The following MYO1F variants were observed in gnomAD, a reference collection of about 807,000 sequenced individuals.
MYO1F encodes unconventional myosin-If.
In MYO1F, 60 loss-of-function variants were observed where a neutral mutation model predicts 146.6. The ratio of observed to expected loss-of-function variants is 0.41; its 90% CI spans 0.33 to 0.51. MYO1F has a LOEUF of 0.51. MYO1F is among the 20% of genes least tolerant of loss of function. MYO1F has a pLI of 0.25. For synonymous variants in MYO1F, 602 were observed against 602.1 expected, an observed-to-expected ratio of 1.00 and a Z score of 0.00; for missense variants, 1,274 against 1,534.3, an observed-to-expected ratio of 0.83 and a Z score of 2.83.
At chr19:8,561,101 C>A (rs1222261889) in intron 1 of MYO1F, among the ~76,000 whole-genome samples, 1 of 151,948 alleles carries the variant, frequency 6.6e-6, no homozygotes, top group Non-Finnish European at 1.5e-5. Flanking sequence ...AGGCTGATGT[C>A]TATAACTCCT....
intron 4 of MYO1F, among the ~76,000 whole-genome samples, chr19:8,553,916 T>TCTCTCTCTCTCTCTCTCTCG (rs1555726922): frequency 1.4e-5 from 2 of 141,564 alleles, no homozygotes; most frequent in African/African-American, 5.0e-5. Flanking sequence ...TCTCTCTCTC[T>TCTCTCTCTCTCTCTCTCTCG]CTCTCTCGCT....
chr19:8,556,686 G>A (rs1177691709), intron 1 of MYO1F, among the ~76,000 whole-genome samples: 6 of 149,498 alleles, frequency 4.0e-5, no homozygotes, highest in African/African-American at 1.5e-4. Context: ...ACGAGAGTTC[G>A]AGACCAGTCT....
At chr19:8,545,270 G>A (rs1407253355) in intron 13 of MYO1F, among the ~76,000 whole-genome samples, 1 of 151,556 alleles carries the variant, frequency 6.6e-6, no homozygotes, top group Non-Finnish European at 1.5e-5. Context: ...TGTATTTTTA[G>A]TAGAGACAGG....
chr19:8,538,244 G>T (rs1972814329), intron 16 of MYO1F, among the ~76,000 whole-genome samples: 1 of 151,766 alleles, frequency 6.6e-6, no homozygotes, highest in Non-Finnish European at 1.5e-5. Flanking sequence ...GGGATTACAG[G>T]CTTGAGCCAC....
intron 1 of MYO1F, among the ~76,000 whole-genome samples, chr19:8,561,137 G>A (rs1334533342): frequency 6.6e-6 from 1 of 152,064 alleles, no homozygotes; most frequent in Non-Finnish European, 1.5e-5. Flanking sequence ...TCCCACCTTG[G>A]CCTTCCAAAA....
intron 1 of MYO1F, among the ~76,000 whole-genome samples, chr19:8,563,129 C>T (rs1028211796): frequency 1.1e-4 from 17 of 149,220 alleles, no homozygotes; most frequent in African/African-American, 3.7e-4. Flanking sequence ...GTAGCTGGGA[C>T]TACAGGCACC....
At chr19:8,534,195 T>A (rs1231371640) in intron 19 of MYO1F, among the ~76,000 whole-genome samples, 8 of 149,916 alleles carry the variant, frequency 5.3e-5, no homozygotes, top group Non-Finnish European at 5.9e-5. Context: ...AAAAAAAAAA[T>A]TCATCCCAAC....
In MYO1F at chr19:8,568,422, C is replaced by CAAAAAAAAAAA. The variant is rs55833513; in HGVS notation, c.3+8874_3+8884dup. ...TGGGTGAAAGAGTGAGACTCCGTCTCAAAAAAAAAAAAAAAAAAAAAAATT... is the reference window on the plus strand; with the variant it reads ...TGGGTGAAAGAGTGAGACTCCGTCTCAAAAAAAAAAAAAAAAAAAAAAAAAAAAAAAAAATT... On this transcript the variant is annotated intron_variant, in intron 1 of 27. Transcript: ENST00000644032. Among the ~76,000 whole-genome samples, 158 of 66,430 alleles carry CAAAAAAAAAAA rather than the reference C, an allele frequency of 2.4e-3. 4 individuals carry two copies. The highest frequency in any genetic ancestry group is 0.01 in the African/African-American group (147 of 14,374). The allele number at this position is 66,430 out of a possible 152,430, so 43.6% of individuals were successfully genotyped here. A position where few individuals can be genotyped will look rare whatever the true frequency, so the allele number is the denominator to read the frequency against.
intron 1 of MYO1F, among the ~76,000 whole-genome samples, chr19:8,568,256 T>A (rs1286968621): frequency 2.0e-5 from 3 of 151,830 alleles, no homozygotes; most frequent in Non-Finnish European, 4.4e-5. Flanking sequence ...ACCCCGTCTC[T>A]ACTAAAACTA....
intron 17 of MYO1F, 75 bp from the exon 18 acceptor site, chr19:8,536,672 G>C: frequency 1.3e-6 from 1 of 793,632 alleles, no homozygotes; most frequent in South Asian, 1.6e-5. Context: ...AGGTGCTGGA[G>C]GTGGGGGACC....
intron 25 of MYO1F, among the ~76,000 whole-genome samples, chr19:8,523,705 A>G (rs1660041387): frequency 6.6e-6 from 1 of 151,990 alleles, no homozygotes; most frequent in Non-Finnish European, 1.5e-5. Flanking sequence ...CCCAGGATGG[A>G]GTGCAGCAGT....
chr19:8,564,440 C>A (rs568010860), intron 1 of MYO1F, among the ~76,000 whole-genome samples: 1 of 151,940 alleles, frequency 6.6e-6, no homozygotes, highest in African/African-American at 2.4e-5. Context: ...CCCTGGGGTG[C>A]GTCAGGAGAT....
At chr19:8,569,892 G>A (rs867153445) in intron 1 of MYO1F, among the ~76,000 whole-genome samples, 2 of 152,100 alleles carry the variant, frequency 1.3e-5, no homozygotes, top group African/African-American at 4.8e-5. Flanking sequence ...TGCTTAGGAG[G>A]ACAGGAGGCT....
chr19:8,531,842 G>C (rs147806445), intron 19 of MYO1F, among the ~76,000 whole-genome samples: 1 of 151,772 alleles, frequency 6.6e-6, no homozygotes, highest in Non-Finnish European at 1.5e-5. Context: ...ATGTGGCCGG[G>C]TGCAGTGGCT....
In MYO1F at chr19:8,577,033, G is replaced by A; in HGVS notation, c.3+274C>T. 1 of 598,920 alleles carries A rather than the reference G, an allele frequency of 1.7e-6. No homozygotes were observed. Among genetic ancestry groups the A allele is most frequent in the East Asian group, 2.8e-5 (1 of 35,932 alleles). 37.1% of individuals were successfully genotyped at this position (598,920 alleles called of 1,614,324 possible). A position where few individuals can be genotyped will look rare whatever the true frequency, so the allele number is the denominator to read the frequency against. On this transcript the variant is annotated intron_variant, in intron 1 of 27. Coordinates refer to ENST00000644032, the MANE Select transcript of MYO1F (RefSeq NM_012335.4). This position sits in a 1 kb window ranked among gnomAD's most constrained non-coding sequence, Gnocchi z 4.3. ...ATGTCCTTGTCCCTGCAGACTCTGT[G>A]ATTCTCCCTGGGCCACCTTCTGTCT... is the stretch of plus-strand genomic sequence containing the variant.
At chr19:8,558,627 C>G (rs1568365884) in intron 1 of MYO1F, among the ~76,000 whole-genome samples, 1 of 152,104 alleles carries the variant, frequency 6.6e-6, no homozygotes, top group Non-Finnish European at 1.5e-5. Flanking sequence ...TGTCTCTATT[C>G]AACACATCTC....
chr19:8,561,315 C>T (rs1974091099), intron 1 of MYO1F, among the ~76,000 whole-genome samples: 1 of 151,914 alleles, frequency 6.6e-6, no homozygotes, highest in Non-Finnish European at 1.5e-5. Context: ...GCTTCAACCC[C>T]TCACACTGCT....
intron 27 of MYO1F, 112 bp from the exon 28 acceptor site, chr19:8,521,716 T>A: frequency 1.0e-6 from 1 of 997,212 alleles, no homozygotes; most frequent in Non-Finnish European, 1.6e-6. Flanking sequence ...AGGCTGGTCT[T>A]AAACTCCTAG....
chr19:8,539,464 C>T (rs973570639), intron 16 of MYO1F, among the ~76,000 whole-genome samples: 3 of 150,612 alleles, frequency 2.0e-5, no homozygotes, highest in East Asian at 1.9e-4. Context: ...GGTGTGGTGG[C>T]GCATGCTTGT....
Sources: gnomAD v4.1 joint callset for allele counts (sites outside exome capture counted in the v4.1 genomes callset) on GRCh38, gnomAD v4.1.1 for gene constraint, Gnocchi (gnomAD v3.1) non-coding constraint, MANE v1.5 for transcripts, NCBI Gene and HGNC (gene_info 2026-07-23, HGNC 2026-07-21) for gene names.